The following POR variants were observed in gnomAD, a reference collection of about 807,000 sequenced individuals.
POR encodes the protein NADPH--cytochrome P450 reductase.
In POR, 56 loss-of-function variants were observed where a neutral mutation model predicts 84.0. The ratio of observed to expected loss-of-function variants is 0.67; its 90% confidence interval spans 0.54 to 0.83. The LOEUF (loss-of-function observed/expected upper bound fraction) is 0.83, where lower values mean the gene tolerates loss of function less well. Among genes scored for constraint, POR ranks in the 40% least tolerant of loss-of-function variants. The pLI is 0.00. For synonymous variants in POR, 414 were observed against 400.5 expected (o/e 1.03, Z -0.40); for missense variants, 938 against 944.3 (o/e 0.99, Z 0.09).
intron 1 of POR, among the ~76,000 whole-genome samples, chr7:75,950,368 A>AT (rs1554552582): frequency 6.6e-6 from 1 of 152,220 alleles, no homozygotes; most frequent in Non-Finnish European, 1.5e-5. Context: ...CATCATGGGC[A>AT]TTAGATCTCT....
chr7:75,957,491 G>A (rs1787738365), intron 2 of POR, among the ~76,000 whole-genome samples: 1 of 152,002 alleles, frequency 6.6e-6, no homozygotes. Context: ...CTGTAAAATG[G>A]AAGTTCCGCC....
chr7:75,980,707 G>T, intron 5 of POR: 1 of 1,522,656 alleles, frequency 6.6e-7, no homozygotes, highest in South Asian at 1.2e-5. Context: ...GGGGCATTGG[G>T]TGCTGGAGAC....
At chr7:75,930,665 A>G (rs4732494) in intron 1 of POR, among the ~76,000 whole-genome samples, 144,466 of 152,044 alleles carry the variant, frequency 0.95, 68,769 homozygotes, top group East Asian at 1. Flanking sequence ...TGGAATTACA[A>G]GCATGTGCCA....
intron 2 of POR, among the ~76,000 whole-genome samples, chr7:75,964,411 G>A (rs910274891): frequency 1.1e-4 from 16 of 151,994 alleles, no homozygotes; most frequent in Non-Finnish European, 4.4e-5. Context: ...GGCTTCAGGC[G>A]ATTCTCCTGC....
intron 2 of POR, among the ~76,000 whole-genome samples, chr7:75,967,297 T>G (rs1035700607): frequency 2.6e-5 from 4 of 152,128 alleles, no homozygotes; most frequent in Non-Finnish European, 2.9e-5. Context: ...GGATGGGCTG[T>G]TTGCACTCGG....
chr7:75,940,818 T>A (rs573041154), intron 1 of POR, among the ~76,000 whole-genome samples: 98 of 151,868 alleles, frequency 6.5e-4, no homozygotes, highest in African/African-American at 2.3e-3. Context: ...GGCACTCTCA[T>A]AATGGTGAGG....
chr7:75,976,060 C>A (rs782305352), intron 3 of POR, among the ~76,000 whole-genome samples: 5 of 151,886 alleles, frequency 3.3e-5, no homozygotes, highest in Non-Finnish European at 7.4e-5. Flanking sequence ...TTTCCATTGG[C>A]GTGAGTCCTT....
At position 75,986,359 on chromosome 7, in the gene POR, G is replaced by T. The variant is rs782153040; in HGVS notation, c.1921G>T (p.Asp641Tyr). 3.1e-6 allele frequency: 5 copies of T among 1,612,542 alleles called. No homozygotes were observed. The African/African-American group carries it at 6.7e-5, about 22-fold the overall frequency. ...CAGGGATGCACGGAACATGGCCAGG[G>T]ATGTGCAGAACACCTTCTACGACAT... The change falls in exon 16 of 16, where the codon GAT becomes TAT. Residue 641 changes from aspartate to tyrosine, a missense_variant. Physicochemically the swap from Asp to Tyr is radical, Grantham distance 160. Transcript: ENST00000461988.
At chr7:75,920,889 C>T (rs1554548749) in intron 1 of POR, among the ~76,000 whole-genome samples, 1 of 152,126 alleles carries the variant, frequency 6.6e-6, no homozygotes, top group East Asian at 1.9e-4. Context: ...TGGTGCCCGG[C>T]ATCATTCAGA....
chr7:75,981,621 G>A lies in POR; in HGVS notation c.731+15G>A, dbSNP rs72557907. The A allele has an allele frequency of 2.1e-5, 34 of 1,608,800 alleles. No individual in the cohort carries two copies. Among genetic ancestry groups the A allele is most frequent in the African/African-American group, 1.2e-4 (9 of 74,982 alleles). ...GAGGAGTCCAGGTGAGCAAGTGCCC[G>A]CAGGTGCGGTGGGTGGCCTGGGCGG... On this transcript the variant is annotated intron_variant, in intron 7 of 15. Transcript: ENST00000461988.
chr7:75,936,255 T>C (rs1234243589), intron 1 of POR, among the ~76,000 whole-genome samples: 7 of 151,414 alleles, frequency 4.6e-5, no homozygotes, highest in Admixed American at 6.6e-5. Flanking sequence ...AGGTGCATGC[T>C]GCGACACCTG....
chr7:75,976,441 T>TAA (rs10647973), intron 3 of POR, among the ~76,000 whole-genome samples: 86 of 146,260 alleles, frequency 5.9e-4, no homozygotes, highest in African/African-American at 1.4e-3. Context: ...AGATTCCATC[T>TAA]AAAAAAAAAA....
chr7:75,956,294 A>G (rs1457974142), intron 2 of POR, among the ~76,000 whole-genome samples: 7 of 152,028 alleles, frequency 4.6e-5, no homozygotes, highest in African/African-American at 1.4e-4. Context: ...GTCCGTCTCA[A>G]AAACAAAACA....
intron 2 of POR, among the ~76,000 whole-genome samples, chr7:75,954,818 C>T (rs1787613872): frequency 6.6e-6 from 1 of 151,360 alleles, no homozygotes; most frequent in Non-Finnish European, 1.5e-5. Flanking sequence ...AGCAATTCTT[C>T]TGCCTCAGCC....
chr7:75,979,349 C>A (rs969388342), intron 3 of POR, 102 bp from the exon 4 acceptor site: 2 of 1,381,770 alleles, frequency 1.4e-6, no homozygotes, highest in Non-Finnish European at 2.0e-6. Context: ...GGAAAGGGGG[C>A]GGCCTGGAGG....
At chr7:75,936,836 T>C (rs1444873284) in intron 1 of POR, among the ~76,000 whole-genome samples, 4 of 146,942 alleles carry the variant, frequency 2.7e-5, no homozygotes, top group Non-Finnish European at 6.0e-5. Context: ...TTTTTTTTTT[T>C]TTTTTTTTGA....
chr7:75,986,083 C>A lies in POR; in HGVS notation c.1815+15C>A. ...AGTCCCACAAGGTGAGACGGGCGGG[C>A]ACCCACGAAGGTGGGCATGAGGCTG... On this transcript the variant is annotated intron_variant, in intron 14 of 15. Transcript: ENST00000461988. The A allele has an allele frequency of 5.7e-6, 9 of 1,566,724 alleles. No individual in the cohort carries two copies. The highest frequency in any genetic ancestry group is 7.8e-6 in the Non-Finnish European group (9 of 1,156,776).
At chr7:75,923,609 C>T (rs375909070) in intron 1 of POR, among the ~76,000 whole-genome samples, 3 of 152,122 alleles carry the variant, frequency 2.0e-5, no homozygotes, top group Non-Finnish European at 4.4e-5. Flanking sequence ...AGTGGCTGGC[C>T]GGGCCCGGTG....
chr7:75,928,389 G>C (rs150574581), intron 1 of POR, among the ~76,000 whole-genome samples: 1 of 152,216 alleles, frequency 6.6e-6, no homozygotes, highest in Non-Finnish European at 1.5e-5. Flanking sequence ...TGCAGCAGAC[G>C]TATGTTCACT....
Sources: gnomAD v4.1 joint callset for allele counts (sites outside exome capture counted in the v4.1 genomes callset) on GRCh38, gnomAD v4.1.1 for gene constraint, MANE v1.5 for transcripts, NCBI Gene and HGNC (gene_info 2026-07-23, HGNC 2026-07-21) for gene names.